Variants in PFKFB4 observed in about 807,000 individuals in gnomAD.
The protein encoded by PFKFB4 is 6-phosphofructo-2-kinase/fructose-2,6-biphosphatase 4.
PFKFB4 carries 42 observed loss-of-function variants against 62.8 expected under a neutral mutation model. That is an observed-to-expected ratio of 0.67 (90% confidence interval 0.52 to 0.86). The LOEUF (loss-of-function observed/expected upper bound fraction) is 0.86, where lower values mean the gene tolerates loss of function less well. Ranked by LOEUF, PFKFB4 falls within the 40% of genes least tolerant of loss-of-function variation. PFKFB4 has a pLI of 0.00. For synonymous variants in PFKFB4, 204 were observed against 240.7 expected, an observed-to-expected ratio of 0.85 and a Z score of 1.41; for missense variants, 475 against 627.2, an observed-to-expected ratio of 0.76 and a Z score of 2.59.
chr3:48,522,791 C>T (rs957223431), intron 12 of PFKFB4, among the ~76,000 whole-genome samples: 3 of 150,912 alleles, frequency 2.0e-5, no homozygotes, highest in Non-Finnish European at 4.4e-5. Context: ...GACAGGGTCT[C>T]GCTCTGTCGC....
chr3:48,531,191 C>T (rs2042414880), intron 9 of PFKFB4, among the ~76,000 whole-genome samples: 1 of 151,804 alleles, frequency 6.6e-6, no homozygotes, highest in African/African-American at 2.4e-5. Context: ...CACAGCAAGA[C>T]CACATCTCTA....
intron 9 of PFKFB4, among the ~76,000 whole-genome samples, chr3:48,527,103 G>A (rs943687960): frequency 6.6e-6 from 1 of 152,076 alleles, no homozygotes; most frequent in Non-Finnish European, 1.5e-5. Flanking sequence ...GAAGAGGTGA[G>A]GAAGCGTTCT....
At chr3:48,530,571 G>C (rs1349998354) in intron 9 of PFKFB4, among the ~76,000 whole-genome samples, 1 of 152,110 alleles carries the variant, frequency 6.6e-6, no homozygotes, top group Non-Finnish European at 1.5e-5. Flanking sequence ...AAAATTCCAA[G>C]GTATTGAAAA....
chr3:48,555,994 A>G (rs560743795), intron 1 of PFKFB4: 2 of 416,972 alleles, frequency 4.8e-6, no homozygotes, highest in South Asian at 3.4e-5. Context: ...AGGAGAGGTG[A>G]GCCCCTTAAC....
intron 9 of PFKFB4, among the ~76,000 whole-genome samples, chr3:48,526,348 G>A (rs565317820): frequency 6.6e-6 from 1 of 152,202 alleles, no homozygotes; most frequent in Admixed American, 6.5e-5. Context: ...TGAGGCAGGT[G>A]GATCACCTGA....
chr3:48,530,233 A>G (rs192980423), intron 9 of PFKFB4, among the ~76,000 whole-genome samples: 6 of 152,324 alleles, frequency 3.9e-5, no homozygotes, highest in Admixed American at 1.3e-4. Context: ...AGCCTGGGAA[A>G]CAGAGTGAGA....
rs555725247 is a variant in PFKFB4 at position 48,531,327 on chromosome 3, G to A, written c.987+4185C>T. ...AGCCTGACCAACATGGAGAAACTCC[G>A]TCTCTACTAAAAATACAAAATTAGC... On this transcript the variant is annotated intron_variant, in intron 9 of 13. Coordinates refer to ENST00000232375, the MANE Select transcript of PFKFB4 (RefSeq NM_004567.4). Among the ~76,000 whole-genome samples the A allele has an allele frequency of 2.1e-4, 32 of 151,914 alleles. No individual in the cohort carries two copies. The East Asian group carries it at 5.1e-3, about 24-fold the overall frequency.
At chr3:48,546,640 T>G (rs1230341800) in intron 3 of PFKFB4, among the ~76,000 whole-genome samples, 2 of 152,222 alleles carry the variant, frequency 1.3e-5, no homozygotes, top group African/African-American at 4.8e-5. Flanking sequence ...TTGGCCAGGG[T>G]TGGGGAACTT....
At position 48,523,517 on chromosome 3, in the gene PFKFB4, T is replaced by C. The variant is rs1359882584; in HGVS notation, c.1285+20A>G. ...CAAGGTCATGGCTACCCATGGTCAA[T>C]GTGCAGGAAGCTTCCTTACCATATG... On this transcript the variant is annotated intron_variant, in intron 12 of 13. Transcript: ENST00000232375. The C allele has an allele frequency of 6.2e-7, 1 of 1,610,848 alleles. No individual in the cohort carries two copies. Among genetic ancestry groups the C allele is most frequent in the Non-Finnish European group, 8.5e-7 (1 of 1,177,158 alleles).
intron 4 of PFKFB4, among the ~76,000 whole-genome samples, chr3:48,541,321 G>C (rs182461506): frequency 6.9e-4 from 105 of 151,182 alleles, no homozygotes; most frequent in Middle Eastern, 3.5e-3. Flanking sequence ...AGTAGAGATG[G>C]AGTTTCACTA....
At chr3:48,547,181 C>T (rs768846664) in intron 3 of PFKFB4, among the ~76,000 whole-genome samples, 2 of 152,176 alleles carry the variant, frequency 1.3e-5, no homozygotes, top group African/African-American at 4.8e-5. Flanking sequence ...TGTGCGCCTT[C>T]GTGTGTGTAA....
At chr3:48,559,898 C>CACACA (rs2043405687), upstream of PFKFB4, 4 of 191,644 alleles carry the variant, frequency 2.1e-5, no homozygotes, top group African/African-American at 5.6e-5. Flanking sequence ...AACCATCCCA[C>CACACA]CACACACACA....
At chr3:48,543,498 C>A in intron 4 of PFKFB4, 82 bp downstream of exon 4, 1 of 1,317,104 alleles carries the variant, frequency 7.6e-7, no homozygotes, top group East Asian at 2.5e-5. Context: ...GCCTTCCCCT[C>A]CAGATGCCTG....
At position 48,554,495 on chromosome 3, in the gene PFKFB4, C is replaced by T. The variant is rs925930003; in HGVS notation, c.97+2186G>A. Among the ~76,000 whole-genome samples, 5 of 152,324 alleles carry T rather than the reference C, an allele frequency of 3.3e-5. No individual in the cohort carries two copies. In the South Asian group the frequency reaches 6.2e-4, roughly 19 times the overall value. On this transcript the variant is annotated intron_variant, in intron 1 of 13. Transcript: ENST00000232375. ...CCTAGAACCCAGCCTACCCCAACAC[C>T]CTGAGACACCGTGATGGCACGAGCC...
At chr3:48,541,187 C>T (rs2042788320) in intron 4 of PFKFB4, among the ~76,000 whole-genome samples, 1 of 151,688 alleles carries the variant, frequency 6.6e-6, no homozygotes, top group African/African-American at 2.4e-5. Context: ...CAGGTTCACG[C>T]CATTCTCCTG....
chr3:48,554,641 G>A (rs1015732474), intron 1 of PFKFB4, among the ~76,000 whole-genome samples: 2 of 152,154 alleles, frequency 1.3e-5, no homozygotes, highest in African/African-American at 2.4e-5. Context: ...CCTGTAACGG[G>A]GGTTGGCTTG....
chr3:48,545,608 T>A (rs116317486), intron 3 of PFKFB4, among the ~76,000 whole-genome samples: 222 of 151,464 alleles, frequency 1.5e-3, no homozygotes, highest in African/African-American at 5.2e-3. Context: ...CTCTTACGGC[T>A]CCTTGTGACA....
intron 4 of PFKFB4, among the ~76,000 whole-genome samples, chr3:48,540,184 G>A (rs150974808): frequency 8.5e-5 from 13 of 152,314 alleles, no homozygotes; most frequent in Non-Finnish European, 1.6e-4. Flanking sequence ...CAGTAAAATG[G>A]GAACAGAAGG....
chr3:48,527,694 T>TC (rs1231219011), intron 9 of PFKFB4, among the ~76,000 whole-genome samples: 15 of 150,340 alleles, frequency 1.0e-4, no homozygotes, highest in African/African-American at 3.4e-4. Context: ...CTTTTTTTTT[T>TC]TTTTTTTTTT....
Sources: allele counts gnomAD v4.1 joint callset (sites outside exome capture counted in the v4.1 genomes callset), GRCh38; gene constraint gnomAD v4.1.1; transcripts MANE v1.5; gene names NCBI Gene and HGNC (gene_info 2026-07-23, HGNC 2026-07-21).